Variants in HECW2 observed in about 807,000 individuals in gnomAD.
HECW2 encodes the protein HECT, C2 and WW domain containing E3 ubiquitin protein ligase 2, also known as E3 ubiquitin-protein ligase HECW2.
In HECW2, 61 loss-of-function variants were observed where a neutral mutation model predicts 175.2. That is an observed-to-expected ratio of 0.35 (90% confidence interval 0.28 to 0.43). The LOEUF is 0.43. HECW2 is among the 20% of genes least tolerant of loss of function. The pLI is 1.00. For missense variants in HECW2, 1,524 were observed against 2,000.5 expected, an observed-to-expected ratio of 0.76 and a Z score of 4.54; for synonymous variants, 671 against 731.0, an observed-to-expected ratio of 0.92 and a Z score of 1.32.
chr2:196,589,140 G>A (rs1022709690), intron 1 of HECW2, among the ~76,000 whole-genome samples: 3 of 152,010 alleles, frequency 2.0e-5, no homozygotes, highest in African/African-American at 7.2e-5. Context: ...CGGAGGATGC[G>A]GTGAGCCAAG....
chr2:196,282,823 C>T (rs1177563591), intron 14 of HECW2, among the ~76,000 whole-genome samples: 1 of 152,032 alleles, frequency 6.6e-6, no homozygotes, highest in Non-Finnish European at 1.5e-5. Flanking sequence ...GCATATCCAA[C>T]CCCCCACTTT....
intron 1 of HECW2, among the ~76,000 whole-genome samples, chr2:196,543,939 A>T (rs1487307081): frequency 6.6e-6 from 1 of 152,192 alleles, no homozygotes; most frequent in Non-Finnish European, 1.5e-5. Context: ...AGACAGGTAA[A>T]TTGGTAATAA....
chr2:196,308,201 A>G (rs1691343267), intron 10 of HECW2, 116 bp from the exon 11 acceptor site: 1 of 687,394 alleles, frequency 1.5e-6, no homozygotes, highest in Admixed American at 3.1e-5. Context: ...TGAGACTAAT[A>G]ACATACATCT....
At chr2:196,508,566 A>G (rs1446250842) in intron 1 of HECW2, among the ~76,000 whole-genome samples, 1 of 152,194 alleles carries the variant, frequency 6.6e-6, no homozygotes, top group African/African-American at 2.4e-5. Flanking sequence ...ATAATAAGAA[A>G]GAACAGTATT....
At chr2:196,420,914 A>G (rs1447512748) in intron 2 of HECW2, among the ~76,000 whole-genome samples, 3 of 152,220 alleles carry the variant, frequency 2.0e-5, no homozygotes, top group African/African-American at 7.2e-5. Flanking sequence ...AATGTCGTCA[A>G]CAATAAAAGA....
chr2:196,525,491 TTGTTATG>T (rs1193069040), intron 1 of HECW2, among the ~76,000 whole-genome samples: 2 of 146,838 alleles, frequency 1.4e-5, no homozygotes, highest in African/African-American at 2.6e-5. Context: ...AAAGTTAATA[TTGTTATG>T]TGTGAATTTG....
At chr2:196,330,564 T>C (rs1004747400) in intron 4 of HECW2, among the ~76,000 whole-genome samples, 6 of 152,196 alleles carry the variant, frequency 3.9e-5, no homozygotes, top group South Asian at 2.1e-4. Flanking sequence ...TCCATCCTTA[T>C]AGAGTTTAGT....
Position 196,334,414 on chromosome 2 carries a change from G to C in HECW2, c.495+10C>G, listed in dbSNP as rs1485139442. 2 of 1,597,210 alleles carry C rather than the reference G, an allele frequency of 1.3e-6. No individual in the cohort carries two copies. The highest frequency in any genetic ancestry group is 1.1e-5 in the South Asian group (1 of 88,696). ...ATCTCACAAGGAAGCTGGCAGCGAGGGGCACTCACCATCACAGCTGGGTTC... is the reference window on the plus strand; with the variant it reads ...ATCTCACAAGGAAGCTGGCAGCGAGCGGCACTCACCATCACAGCTGGGTTC... On this transcript the variant is annotated intron_variant, in intron 4 of 28. Transcript: ENST00000644978.
chr2:196,528,088 G>A (rs968858800), intron 1 of HECW2, among the ~76,000 whole-genome samples: 5 of 152,152 alleles, frequency 3.3e-5, no homozygotes, highest in Non-Finnish European at 7.3e-5. Context: ...TGATGATGGA[G>A]GTGATAGCAA....
intron 2 of HECW2, among the ~76,000 whole-genome samples, chr2:196,411,111 G>A (rs1244183631): frequency 6.6e-6 from 1 of 152,198 alleles, no homozygotes; most frequent in Non-Finnish European, 1.5e-5. Flanking sequence ...TGATCCTCCT[G>A]CCTCAGTTTC....
chr2:196,420,745 C>T (rs1695386255), intron 2 of HECW2, among the ~76,000 whole-genome samples: 2 of 150,840 alleles, frequency 1.3e-5, no homozygotes, highest in African/African-American at 4.9e-5. Context: ...TAAGTCAGTT[C>T]TTTTTTTTTC....
intron 17 of HECW2, among the ~76,000 whole-genome samples, chr2:196,267,318 G>C (rs1412714735): frequency 6.6e-6 from 1 of 152,046 alleles, no homozygotes; most frequent in Admixed American, 6.6e-5. Context: ...TACTGTTAAA[G>C]GTTGTTTTCT....
intron 21 of HECW2, among the ~76,000 whole-genome samples, chr2:196,231,020 T>A (rs779584253): frequency 5.4e-4 from 72 of 132,566 alleles, no homozygotes; most frequent in Non-Finnish European, 8.9e-4. Context: ...GGAGAATCAC[T>A]TGAACCAGGG....
chr2:196,474,009 C>T (rs868846586), intron 1 of HECW2, among the ~76,000 whole-genome samples: 2 of 152,146 alleles, frequency 1.3e-5, no homozygotes, highest in Non-Finnish European at 2.9e-5. Context: ...GAAAAGAAAA[C>T]TCTGTTTCAC....
chr2:196,201,997 A>G (rs1177876965), intron 28 of HECW2, among the ~76,000 whole-genome samples: 1 of 152,190 alleles, frequency 6.6e-6, no homozygotes, highest in Non-Finnish European at 1.5e-5. Context: ...AAAATAAGCA[A>G]TTTAAATCAT....
intron 1 of HECW2, among the ~76,000 whole-genome samples, chr2:196,573,258 A>G (rs1690448394): frequency 6.6e-6 from 1 of 152,166 alleles, no homozygotes; most frequent in Admixed American, 6.5e-5. Flanking sequence ...CAAAAAAAAA[A>G]AAAAAATGTC....
chr2:196,215,003 A>G (rs1687421162), intron 28 of HECW2, among the ~76,000 whole-genome samples: 1 of 152,180 alleles, frequency 6.6e-6, no homozygotes, highest in African/African-American at 2.4e-5. Flanking sequence ...TAATCTCTCT[A>G]GAGTATAGTT....
chr2:196,333,774 T>C (rs1692452725), intron 4 of HECW2, among the ~76,000 whole-genome samples: 1 of 152,210 alleles, frequency 6.6e-6, no homozygotes, highest in Non-Finnish European at 1.5e-5. Context: ...CAGGCTTTCT[T>C]TCAAAAGTCC....
chr2:196,252,699 C>A (rs1420752580), intron 19 of HECW2, among the ~76,000 whole-genome samples: 1 of 152,206 alleles, frequency 6.6e-6, no homozygotes, highest in African/African-American at 2.4e-5. Context: ...CCAGTGAAAC[C>A]TTTCTTTATA....
Sources: gnomAD v4.1 joint callset for allele counts (sites outside exome capture counted in the v4.1 genomes callset) on GRCh38, gnomAD v4.1.1 for gene constraint, MANE v1.5 for transcripts, NCBI Gene and HGNC (gene_info 2026-07-23, HGNC 2026-07-21) for gene names.